THSD7B: variants seen among roughly 807,000 people sequenced by gnomAD.
The protein encoded by THSD7B is thrombospondin type-1 domain-containing protein 7B.
THSD7B carries 138 observed loss-of-function variants against 213.6 expected under a neutral mutation model. That is an observed-to-expected ratio of 0.65 (90% CI 0.56 to 0.74). THSD7B has a LOEUF of 0.74. Ranked by LOEUF, THSD7B falls within the 30% of genes least tolerant of loss-of-function variation. The pLI is 0.00. For synonymous variants in THSD7B, 742 were observed against 687.0 expected (o/e 1.08, Z -1.25); for missense variants, 1,931 against 1,991.5 (o/e 0.97, Z 0.58).
intron 2 of THSD7B, among the ~76,000 whole-genome samples, chr2:136,947,665 C>G (rs186466372): frequency 6.6e-6 from 1 of 152,150 alleles, no homozygotes; most frequent in Non-Finnish European, 1.5e-5. Flanking sequence ...CCACAGGTGA[C>G]GGCACATGGG....
intron 12 of THSD7B, among the ~76,000 whole-genome samples, chr2:137,308,032 G>A (rs1431233796): frequency 6.6e-6 from 1 of 151,916 alleles, no homozygotes; most frequent in Non-Finnish European, 1.5e-5. Flanking sequence ...AATCTATCCC[G>A]ATGCTCTTAT....
chr2:136,936,649 A>G (rs1157439766), intron 2 of THSD7B, among the ~76,000 whole-genome samples: 2 of 152,108 alleles, frequency 1.3e-5, no homozygotes, highest in African/African-American at 2.4e-5. Flanking sequence ...AAATGAAACA[A>G]TTGACTTTGG....
chr2:137,076,391 T>G (rs1687623442), intron 3 of THSD7B, among the ~76,000 whole-genome samples: 1 of 152,208 alleles, frequency 6.6e-6, no homozygotes, highest in Admixed American at 6.5e-5. Context: ...CTCCGAGCCA[T>G]GTGAGGGATA....
At chr2:137,155,133 T>C (rs1168752772) in intron 5 of THSD7B, among the ~76,000 whole-genome samples, 1 of 152,260 alleles carries the variant, frequency 6.6e-6, no homozygotes, top group East Asian at 1.9e-4. Context: ...TTTAGAAAGA[T>C]GCCGCTAGGC....
chr2:137,307,488 A>G (rs773967895), intron 12 of THSD7B, among the ~76,000 whole-genome samples: 1 of 152,142 alleles, frequency 6.6e-6, no homozygotes, highest in African/African-American at 2.4e-5. Context: ...CCCTAATCCA[A>G]AGGTGAAATC....
intron 7 of THSD7B, among the ~76,000 whole-genome samples, chr2:137,176,300 G>A (rs779626829): frequency 2.6e-5 from 4 of 152,054 alleles, no homozygotes; most frequent in South Asian, 2.1e-4. Context: ...ATAAATATGC[G>A]GTTTATTAAG....
intron 15 of THSD7B, among the ~76,000 whole-genome samples, chr2:137,516,820 A>C (rs903057614): frequency 6.6e-6 from 1 of 152,234 alleles, no homozygotes; most frequent in African/African-American, 2.4e-5. Context: ...GCCTCTACCT[A>C]GAAAAATAGT....
intron 21 of THSD7B, among the ~76,000 whole-genome samples, chr2:137,649,971 G>A (rs1182806809): frequency 6.6e-6 from 1 of 151,996 alleles, no homozygotes; most frequent in African/African-American, 2.4e-5. Flanking sequence ...GTGTGGTGGT[G>A]GATGTCTCTC....
chr2:137,136,141 C>A (rs1464427101), intron 5 of THSD7B, among the ~76,000 whole-genome samples: 1 of 151,994 alleles, frequency 6.6e-6, no homozygotes, highest in South Asian at 2.1e-4. Context: ...CACACCAGGG[C>A]CTGCTGGGGG....
intron 17 of THSD7B, among the ~76,000 whole-genome samples, chr2:137,614,893 T>C (rs895520656): frequency 5.3e-5 from 8 of 152,208 alleles, no homozygotes; most frequent in Admixed American, 1.3e-4. Context: ...GTACAGGTTT[T>C]GTTCTTTACT....
At chr2:137,243,147 T>C (rs1371496955) in intron 10 of THSD7B, among the ~76,000 whole-genome samples, 1 of 152,208 alleles carries the variant, frequency 6.6e-6, no homozygotes, top group East Asian at 1.9e-4. Flanking sequence ...AGCAAAGTCC[T>C]AGATGAACAC....
chr2:137,285,581 CT>C (rs200149229), intron 12 of THSD7B, among the ~76,000 whole-genome samples: 21,306 of 126,564 alleles, frequency 0.17, 1,909 homozygotes, highest in East Asian at 0.5. Context: ...TTCAGGAGCT[CT>C]TTTTTTTTTT....
intron 3 of THSD7B, among the ~76,000 whole-genome samples, chr2:137,088,673 A>G (rs950272325): frequency 3.9e-5 from 6 of 152,042 alleles, no homozygotes; most frequent in African/African-American, 1.4e-4. Flanking sequence ...AATAGGAACC[A>G]TCAGCAAAAT....
At chr2:137,352,744 TC>T (rs1404569513) in intron 12 of THSD7B, among the ~76,000 whole-genome samples, 1 of 152,016 alleles carries the variant, frequency 6.6e-6, no homozygotes, top group Non-Finnish European at 1.5e-5. Flanking sequence ...ATGTAGTGCT[TC>T]CCAAATTATA....
chr2:137,201,174 T>G (rs1044589530), intron 7 of THSD7B, among the ~76,000 whole-genome samples: 2 of 152,204 alleles, frequency 1.3e-5, no homozygotes, highest in African/African-American at 4.8e-5. Flanking sequence ...GATTCCATTT[T>G]GATGGCCATT....
chr2:137,557,247 C>T (rs1015014577), intron 15 of THSD7B, among the ~76,000 whole-genome samples: 2 of 152,188 alleles, frequency 1.3e-5, no homozygotes, highest in Non-Finnish European at 2.9e-5. Context: ...ACATTCTTCT[C>T]AGAACCACAC....
chr2:137,489,435 AAAAAG>A (rs1688557001), intron 15 of THSD7B, among the ~76,000 whole-genome samples: 1 of 152,122 alleles, frequency 6.6e-6, no homozygotes, highest in Non-Finnish European at 1.5e-5. Context: ...AAAAAAGAAA[AAAAAG>A]AAAAAAAAAA....
At position 137,445,150 on chromosome 2, in the gene THSD7B, C is replaced by G. The variant is rs201742899; in HGVS notation, c.2960-5695C>G. 1.2e-4 allele frequency among the ~76,000 whole-genome samples: 18 copies of G among 152,082 alleles called. No homozygotes were observed. In the East Asian group the frequency reaches 3.3e-3, roughly 28 times the overall value. On this transcript the variant is annotated intron_variant, in intron 14 of 27. Coordinates refer to ENST00000409968, the MANE Select transcript of THSD7B (RefSeq NM_001316349.2). ...ATGGAAAAAGAAGAATGCTCGTACA[C>G]AGTTGGTAGGAATGCAAATTAGTAC...
intron 2 of THSD7B, among the ~76,000 whole-genome samples, chr2:136,918,859 T>A (rs1684389201): frequency 6.6e-6 from 1 of 152,198 alleles, no homozygotes; most frequent in Non-Finnish European, 1.5e-5. Context: ...ATCTTTCCTT[T>A]CTCTCTCTAT....
Sources: gnomAD v4.1 joint callset for allele counts (sites outside exome capture counted in the v4.1 genomes callset) on GRCh38, gnomAD v4.1.1 for gene constraint, MANE v1.5 for transcripts, NCBI Gene and HGNC (gene_info 2026-07-23, HGNC 2026-07-21) for gene names.